The following KIF15 variants were observed in gnomAD, a reference collection of about 807,000 sequenced individuals.
The protein encoded by KIF15 is kinesin-like protein KIF15.
Under a neutral mutation model 190.6 loss-of-function variants are expected in KIF15, and 140 were observed. The observed-to-expected ratio is 0.73, with a 90% confidence interval of 0.64 to 0.84. KIF15 has a LOEUF of 0.84. Ranked by LOEUF, KIF15 falls within the 40% of genes least tolerant of loss-of-function variation. The probability of loss-of-function intolerance (pLI) is 0.00; values close to 1 mark genes in which losing one functional copy is unlikely to be tolerated. For missense variants in KIF15, 1,372 were observed against 1,584.4 expected (o/e 0.87, Z 2.28); for synonymous variants, 528 against 551.3 (o/e 0.96, Z 0.59).
Position 44,801,771 on chromosome 3 carries a change from A to T in KIF15, c.1306A>T (p.Ile436Leu). Residue 436 changes from isoleucine to leucine, a missense_variant, in exon 13 of 35, where the codon ATA (isoleucine) becomes TTA (leucine). Ile to Leu is a conservative substitution (Grantham distance 5). Coordinates refer to ENST00000326047, the MANE Select transcript of KIF15 (RefSeq NM_020242.3). ...AATTATGAATTTCTTTAAGTCTCTG[A>T]TAGAAAAAGTTACCCAATTAGAAGA... ...KKSEQEKKSL[I>L]EKVTQLEDLT... is the part of the protein sequence containing the mutation. 1 of 1,553,480 alleles carries T rather than the reference A, an allele frequency of 6.4e-7. No homozygotes were observed. The highest frequency in any genetic ancestry group is 8.8e-7 in the Non-Finnish European group (1 of 1,133,554).
At chr3:44,823,881 A>G (rs921946399) in intron 20 of KIF15, among the ~76,000 whole-genome samples, 3 of 152,118 alleles carry the variant, frequency 2.0e-5, no homozygotes, top group Non-Finnish European at 4.4e-5. Context: ...GCTCAGTATT[A>G]TGGCAGAAGT....
Position 44,851,814 on chromosome 3 carries a change from C to T in KIF15, c.3834C>T (p.Tyr1278=). ...TAGAAGAAGTCCAAAGTGCCCTTTA[C>T]AACAAAGAGATGGAATGCCTTAGAA... is the stretch of plus-strand genomic sequence containing the variant. The part of the protein sequence containing the change: ...ADLEEVQSAL[Y]NKEMECLRMT... Residue 1278 remains tyrosine (Y), a synonymous_variant, in exon 33 of 35, where the codon TAC becomes TAT. Coordinates refer to ENST00000326047, the MANE Select transcript of KIF15 (RefSeq NM_020242.3). 6.2e-7 allele frequency: 1 copy of T among 1,613,636 alleles called. No homozygotes were observed.
At chr3:44,844,672 A>G (rs191824130) in intron 30 of KIF15, among the ~76,000 whole-genome samples, 5 of 152,360 alleles carry the variant, frequency 3.3e-5, no homozygotes, top group African/African-American at 1.2e-4. Context: ...TCTCTTAAAT[A>G]GCCCGAATAG....
intron 30 of KIF15, 137 bp downstream of exon 30, chr3:44,843,371 G>A: frequency 3.2e-6 from 2 of 616,004 alleles, no homozygotes; most frequent in Non-Finnish European, 2.9e-6. Flanking sequence ...TCTTTTGGTT[G>A]ATTTTGAATC....
At chr3:44,785,526 A>T (rs1015749041) in intron 6 of KIF15, among the ~76,000 whole-genome samples, 1 of 152,156 alleles carries the variant, frequency 6.6e-6, no homozygotes, top group East Asian at 1.9e-4. Context: ...AGCTTGGTGA[A>T]TTCGGGGCTT....
chr3:44,778,087 A>T, intron 3 of KIF15, 28 bp from the exon 4 acceptor site: 1 of 1,578,630 alleles, frequency 6.3e-7, no homozygotes, highest in East Asian at 2.2e-5. Flanking sequence ...TTTTTATGAT[A>T]TGTTAACATG....
intron 30 of KIF15, among the ~76,000 whole-genome samples, chr3:44,847,329 C>T (rs1698892175): frequency 6.6e-6 from 1 of 152,190 alleles, no homozygotes; most frequent in Admixed American, 6.5e-5. Context: ...CCAGGGGCTG[C>T]ACACAGAAAC....
intron 32 of KIF15, among the ~76,000 whole-genome samples, chr3:44,850,594 C>G (rs1184446243): frequency 6.6e-6 from 1 of 152,150 alleles, no homozygotes; most frequent in East Asian, 1.9e-4. Flanking sequence ...TCAATCCCAG[C>G]CTACAACAGC....
At chr3:44,785,065 C>G (rs974098158) in intron 6 of KIF15, 123 bp downstream of exon 6, 24 of 519,690 alleles carry the variant, frequency 4.6e-5, no homozygotes, top group Middle Eastern at 5.9e-4. Context: ...AATAGACTAG[C>G]GTGGCATAAA....
At position 44,852,203 on chromosome 3, in the gene KIF15, T is replaced by C; in HGVS notation, c.3973-5T>C. Reference sequence around the variant, plus strand: ...TTTTTCCCTCCTTGGATTGATTACCTGCAGGAGATGGAAATGTTAAGGAAG... The same window carrying C: ...TTTTTCCCTCCTTGGATTGATTACCCGCAGGAGATGGAAATGTTAAGGAAG... On this transcript the variant is annotated splice_region_variant and splice_polypyrimidine_tract_variant and intron_variant, in intron 33 of 34. Transcript: ENST00000326047. The C allele has an allele frequency of 6.2e-7, 1 of 1,609,848 alleles. No homozygotes were observed. Among genetic ancestry groups the C allele is most frequent in the Non-Finnish European group, 8.5e-7 (1 of 1,177,792 alleles).
At chr3:44,790,201 G>A (rs574311927) in intron 7 of KIF15, among the ~76,000 whole-genome samples, 30 of 150,520 alleles carry the variant, frequency 2.0e-4, no homozygotes, top group Admixed American at 1.5e-3. Context: ...TTTTTGAGAC[G>A]GAGTCTCACT....
At chr3:44,855,378 C>T (rs1201266540), downstream of KIF15, among the ~76,000 whole-genome samples, 2 of 152,176 alleles carry the variant, frequency 1.3e-5, no homozygotes, top group Admixed American at 6.5e-5. Context: ...TCAATTAAGG[C>T]TATTTTCACT....
At chr3:44,767,016 T>G (rs1468134810) in intron 1 of KIF15, among the ~76,000 whole-genome samples, 2 of 152,158 alleles carry the variant, frequency 1.3e-5, no homozygotes, top group African/African-American at 4.8e-5. Flanking sequence ...TTCACCGTGT[T>G]AGCCAGGGTG....
chr3:44,863,300 A>ACCCCCCCCCCCCCCCCCCCCCCCCC (rs756721633), intron 6 of KIF15: 1 of 35,060 alleles, frequency 2.9e-5, no homozygotes, highest in Admixed American at 4.5e-4. Flanking sequence ...TAGATTCCGC[A>ACCCCCCCCCCCCCCCCCCCCCCCCC]CCCCCCCCCC....
At chr3:44,773,826 G>A (rs893238972) in intron 1 of KIF15, among the ~76,000 whole-genome samples, 63 of 152,270 alleles carry the variant, frequency 4.1e-4, no homozygotes, top group East Asian at 3.9e-4. Flanking sequence ...GGTTCTTGTC[G>A]CATGACCAGG....
chr3:44,827,255 A>G, intron 22 of KIF15: 1 of 517,948 alleles, frequency 1.9e-6, no homozygotes, highest in Non-Finnish European at 3.6e-6. Flanking sequence ...TCTGAGGAAA[A>G]ACAGTCATGG....
chr3:44,828,367 C>T (rs1327629269), intron 24 of KIF15, 67 bp downstream of exon 24: 4 of 1,101,136 alleles, frequency 3.6e-6, no homozygotes, highest in Non-Finnish European at 5.6e-6. Flanking sequence ...ACATTTTGTT[C>T]TCCTACCTCT....
intron 24 of KIF15, 130 bp downstream of exon 24, chr3:44,828,430 T>G: frequency 1.6e-6 from 1 of 610,374 alleles, no homozygotes; most frequent in South Asian, 2.2e-5. Context: ...TATATGCAGT[T>G]AAGCCTTGTT....
At chr3:44,842,777 T>C (rs1698667545) in intron 29 of KIF15, among the ~76,000 whole-genome samples, 1 of 152,210 alleles carries the variant, frequency 6.6e-6, no homozygotes, top group Non-Finnish European at 1.5e-5. Context: ...GTGACGTCAA[T>C]TTTTTGTTTT....
Sources: allele counts gnomAD v4.1 joint callset (sites outside exome capture counted in the v4.1 genomes callset), GRCh38; gene constraint gnomAD v4.1.1; transcripts MANE v1.5; gene names NCBI Gene and HGNC (gene_info 2026-07-23, HGNC 2026-07-21).